PDE1C: variants seen among roughly 807,000 people sequenced by gnomAD.
PDE1C encodes phosphodiesterase 1C, also known as dual specificity calcium/calmodulin-dependent 3',5'-cyclic nucleotide phosphodiesterase 1C.
A neutral mutation model predicts 93.1 loss-of-function variants in PDE1C; 62 were observed. The ratio of observed to expected loss-of-function variants is 0.67; its 90% CI spans 0.54 to 0.82. PDE1C has a LOEUF of 0.82. PDE1C is among the 40% of genes least tolerant of loss of function. PDE1C has a pLI of 0.00. For missense variants in PDE1C, 742 were observed against 884.6 expected, an observed-to-expected ratio of 0.84 and a Z score of 2.04; for synonymous variants, 325 against 310.1, an observed-to-expected ratio of 1.05 and a Z score of -0.50.
At chr7:31,986,458 T>C in intron 2 of PDE1C, among the ~76,000 whole-genome samples, 1 of 152,218 alleles carries the variant, frequency 6.6e-6, no homozygotes, top group East Asian at 1.9e-4. Context: ...ATATGAATTT[T>C]GGTGGGGACA....
rs113023716 is a variant in PDE1C at position 31,899,225 on chromosome 7, G to A, written c.129-18365C>T. Among the ~76,000 whole-genome samples the A allele has an allele frequency of 9.5e-3, 1,339 of 141,056 alleles. 19 individuals carry two copies. The highest frequency in any genetic ancestry group is 0.033 in the African/African-American group (1,260 of 38,070). The allele number at this position is 141,056 out of a possible 152,430, so 92.5% of individuals were successfully genotyped here. A position where few individuals can be genotyped will look rare whatever the true frequency, so the allele number is the denominator to read the frequency against. ...GCACTCTTGGCTCACTGCAAGCTCCGCCTACCTGGTTCACACCATTCTCCT... is the reference window on the plus strand; with the variant it reads ...GCACTCTTGGCTCACTGCAAGCTCCACCTACCTGGTTCACACCATTCTCCT... On this transcript the variant is annotated intron_variant, in intron 2 of 17. Coordinates refer to ENST00000396191, the MANE Select transcript of PDE1C (RefSeq NM_001191057.4).
chr7:31,648,219 G>A, the PDE1C span, among the ~76,000 whole-genome samples: 1 of 152,090 alleles, frequency 6.6e-6, no homozygotes, highest in African/African-American at 2.4e-5. Context: ...ATTGTCTTTT[G>A]GTGATGGTGC....
chr7:32,256,723 C>G (rs550028896), intron 1 of PDE1C, among the ~76,000 whole-genome samples: 7 of 152,186 alleles, frequency 4.6e-5, no homozygotes, highest in Non-Finnish European at 1.0e-4. Flanking sequence ...CAAGTCACCT[C>G]TTCTGTTGGC....
intron 1 of PDE1C, among the ~76,000 whole-genome samples, chr7:32,422,312 CTTTG>C (rs1195366420): frequency 6.6e-6 from 1 of 152,246 alleles, no homozygotes; most frequent in East Asian, 1.9e-4. Context: ...TTGAGTTAAT[CTTTG>C]TTTTTCATTT....
intron 2 of PDE1C, among the ~76,000 whole-genome samples, chr7:31,895,580 T>TTCTCTCTCTCTCTCTCTCTCTCTCTC (rs60958547): frequency 6.9e-6 from 1 of 144,818 alleles, no homozygotes; most frequent in Non-Finnish European, 1.5e-5. Context: ...TTTCTCTCTT[T>TTCTCTCTCTCTCTCTCTCTCTCTCTC]TCTCTCTCTC....
intron 2 of PDE1C, among the ~76,000 whole-genome samples, chr7:31,908,919 G>A (rs1355618960): frequency 1.3e-5 from 2 of 152,106 alleles, no homozygotes; most frequent in African/African-American, 4.8e-5. Flanking sequence ...GGGTGGAAAG[G>A]CCTTAAAGCA....
chr7:31,680,423 A>C, the PDE1C span, among the ~76,000 whole-genome samples: 1 of 152,210 alleles, frequency 6.6e-6, no homozygotes, highest in Non-Finnish European at 1.5e-5. Context: ...TGGAAGAAAG[A>C]ATACTGACTC....
At chr7:32,108,628 T>C (rs751944227) in intron 3 of PDE1C, among the ~76,000 whole-genome samples, 1 of 152,176 alleles carries the variant, frequency 6.6e-6, no homozygotes, top group Non-Finnish European at 1.5e-5. Context: ...ACCTGTACCA[T>C]GACAAAGACC....
At chr7:32,227,055 A>G (rs1161731676) in intron 1 of PDE1C, among the ~76,000 whole-genome samples, 1 of 152,158 alleles carries the variant, frequency 6.6e-6, no homozygotes, top group East Asian at 1.9e-4. Context: ...TTCTGAGGAA[A>G]GGAGGTCTCT....
intron 3 of PDE1C, among the ~76,000 whole-genome samples, chr7:32,131,027 T>C (rs377661397): frequency 6.6e-6 from 1 of 152,134 alleles, no homozygotes; most frequent in East Asian, 1.9e-4. Flanking sequence ...GATAAATCTA[T>C]GTGAATCGAG....
chr7:32,108,228 G>GAAAAAAA (rs1437687888), intron 3 of PDE1C, among the ~76,000 whole-genome samples: 1 of 9,984 alleles, frequency 1.0e-4, no homozygotes, highest in Non-Finnish European at 2.0e-4. Flanking sequence ...AAAAAAGCAA[G>GAAAAAAA]ACAAAAAAAA....
chr7:32,337,896 C>G (rs1318155623), intron 1 of PDE1C, among the ~76,000 whole-genome samples: 1 of 152,144 alleles, frequency 6.6e-6, no homozygotes, highest in African/African-American at 2.4e-5. Flanking sequence ...GTCTTTTCAA[C>G]AAGTGGTGCT....
intron 1 of PDE1C, among the ~76,000 whole-genome samples, chr7:32,378,706 G>A (rs1212110220): frequency 6.6e-6 from 1 of 152,118 alleles, no homozygotes; most frequent in African/African-American, 2.4e-5. Flanking sequence ...ATCCAGAAGT[G>A]CTTCAGCGCA....
At chr7:31,797,912 G>A (rs187730994) in intron 16 of PDE1C, among the ~76,000 whole-genome samples, 22 of 151,792 alleles carry the variant, frequency 1.4e-4, no homozygotes, top group Middle Eastern at 3.4e-3. Flanking sequence ...GGCAAGAAAA[G>A]GGGTGCCATA....
At chr7:32,009,992 T>A (rs570032296) in intron 2 of PDE1C, among the ~76,000 whole-genome samples, 39 of 152,298 alleles carry the variant, frequency 2.6e-4, no homozygotes, top group Non-Finnish European at 4.9e-4. Context: ...ACCTGTATAA[T>A]GAAAACTACA....
chr7:32,040,131 C>T, intron 2 of PDE1C, among the ~76,000 whole-genome samples: 1 of 148,736 alleles, frequency 6.7e-6, no homozygotes, highest in African/African-American at 2.6e-5. Context: ...AAATTTACTA[C>T]ATAAACAACA....
chr7:31,769,516 A>G (rs1224768066), intron 17 of PDE1C, among the ~76,000 whole-genome samples: 1 of 152,220 alleles, frequency 6.6e-6, no homozygotes, highest in Non-Finnish European at 1.5e-5. Flanking sequence ...TTGCTTTCCC[A>G]CAACTTTCTC....
At chr7:31,848,712 A>G (rs1792938578) in intron 8 of PDE1C, among the ~76,000 whole-genome samples, 1 of 152,196 alleles carries the variant, frequency 6.6e-6, no homozygotes, top group Non-Finnish European at 1.5e-5. Flanking sequence ...AAGATCTTAA[A>G]TTTAATGAAA....
At chr7:31,649,348 T>C in the PDE1C span, among the ~76,000 whole-genome samples, 2 of 152,136 alleles carry the variant, frequency 1.3e-5, no homozygotes. Flanking sequence ...TCCACCTAGC[T>C]GTAAAGTTGG....
Sources: allele counts gnomAD v4.1 joint callset (sites outside exome capture counted in the v4.1 genomes callset), GRCh38; gene constraint gnomAD v4.1.1; transcripts MANE v1.5; gene names NCBI Gene and HGNC (gene_info 2026-07-23, HGNC 2026-07-21).